Variants in AK4 observed in about 807,000 individuals in gnomAD.
AK4 encodes adenylate kinase 4.
Under a neutral mutation model 24.6 loss-of-function variants are expected in AK4, and 13 were observed. That is an observed-to-expected ratio of 0.53 (90% confidence interval 0.34 to 0.84). The LOEUF (loss-of-function observed/expected upper bound fraction) is 0.84, where lower values mean the gene tolerates loss of function less well. Among genes scored for constraint, AK4 ranks in the 40% least tolerant of loss-of-function variants. AK4 has a pLI of 0.01. For missense variants in AK4, 192 were observed against 288.2 expected, an observed-to-expected ratio of 0.67 and a Z score of 2.42; for synonymous variants, 88 against 107.0, an observed-to-expected ratio of 0.82 and a Z score of 1.10.
intron 1 of AK4, among the ~76,000 whole-genome samples, chr1:65,186,408 C>G (rs564647531): frequency 6.6e-6 from 1 of 152,320 alleles, no homozygotes; most frequent in South Asian, 2.1e-4. Flanking sequence ...GGATTACAGG[C>G]ACGAACCATC....
chr1:65,176,000 C>G (rs1191742338), intron 1 of AK4, among the ~76,000 whole-genome samples: 1 of 152,090 alleles, frequency 6.6e-6, no homozygotes, highest in East Asian at 1.9e-4. Flanking sequence ...CATAGGACGT[C>G]CAAAATTTTT....
At chr1:65,163,624 G>A (rs921266353) in intron 1 of AK4, among the ~76,000 whole-genome samples, 1 of 152,196 alleles carries the variant, frequency 6.6e-6, no homozygotes, top group Non-Finnish European at 1.5e-5. Flanking sequence ...TTGTCCACAA[G>A]TGTAACCTCC....
chr1:65,170,974 T>TG (rs1361947817), intron 1 of AK4, among the ~76,000 whole-genome samples: 1 of 148,400 alleles, frequency 6.7e-6, no homozygotes, highest in Non-Finnish European at 1.5e-5. Context: ...TTTTTTTTTT[T>TG]TGAGACAAGG....
intron 2 of AK4, among the ~76,000 whole-genome samples, chr1:65,200,950 C>T (rs562567083): frequency 1.6e-3 from 243 of 152,156 alleles, no homozygotes; most frequent in Non-Finnish European, 3.1e-3. Flanking sequence ...AGTGCCACCA[C>T]GCCCAGCTAA....
chr1:65,218,196 G>A (rs1384076646), intron 2 of AK4, among the ~76,000 whole-genome samples: 1 of 152,200 alleles, frequency 6.6e-6, no homozygotes, highest in Non-Finnish European at 1.5e-5. Context: ...TAAAATAAAT[G>A]TATATAGTTA....
intron 1 of AK4, among the ~76,000 whole-genome samples, chr1:65,167,515 AG>A (rs1650371379): frequency 1.3e-5 from 2 of 151,440 alleles, no homozygotes; most frequent in African/African-American, 4.8e-5. Flanking sequence ...AAAAAAAAAA[AG>A]ATCAAGGATC....
At chr1:65,166,599 C>T (rs946728783) in intron 1 of AK4, among the ~76,000 whole-genome samples, 4 of 152,050 alleles carry the variant, frequency 2.6e-5, no homozygotes, top group East Asian at 1.9e-4. Context: ...CAAGGCTCAC[C>T]GCAGCTTCAA....
chr1:65,172,995 T>C (rs1650592122), intron 1 of AK4, among the ~76,000 whole-genome samples: 1 of 151,732 alleles, frequency 6.6e-6, no homozygotes. Context: ...CTCAGGTAGC[T>C]GGGATTGCAG....
chr1:65,219,012 A>G, intron 3 of AK4, 86 bp downstream of exon 3: 1 of 1,032,136 alleles, frequency 9.7e-7, no homozygotes, highest in Middle Eastern at 2.2e-4. Flanking sequence ...ATATGAGTAG[A>G]CCATTCAAAA....
chr1:65,175,762 G>A (rs1482689388), intron 1 of AK4, among the ~76,000 whole-genome samples: 2 of 152,154 alleles, frequency 1.3e-5, no homozygotes, highest in African/African-American at 4.8e-5. Flanking sequence ...ATGAGCTTGA[G>A]GAGACGGTTA....
intron 1 of AK4, among the ~76,000 whole-genome samples, chr1:65,153,338 C>T (rs367561950): frequency 3.3e-5 from 5 of 152,110 alleles, no homozygotes; most frequent in Admixed American, 1.3e-4. Context: ...GGCATGAACA[C>T]GGCTTACTGT....
At chr1:65,223,988 G>A (rs561983499) in intron 3 of AK4, among the ~76,000 whole-genome samples, 4 of 137,548 alleles carry the variant, frequency 2.9e-5, no homozygotes, top group South Asian at 5.2e-4. Flanking sequence ...GTGAGACTCC[G>A]TCTTAAAATA....
intron 3 of AK4, among the ~76,000 whole-genome samples, chr1:65,223,344 A>G (rs1166841661): frequency 2.0e-5 from 3 of 151,878 alleles, no homozygotes; most frequent in African/African-American, 7.3e-5. Flanking sequence ...ACCCGCCACC[A>G]CACCCGGCTA....
chr1:65,201,579 G>A (rs943467736), intron 2 of AK4, among the ~76,000 whole-genome samples: 1 of 152,164 alleles, frequency 6.6e-6, no homozygotes, highest in East Asian at 1.9e-4. Context: ...CTAGGCATCC[G>A]TCATTCCCAA....
At chr1:65,214,391 G>A (rs939512764) in intron 2 of AK4, among the ~76,000 whole-genome samples, 4 of 152,114 alleles carry the variant, frequency 2.6e-5, no homozygotes, top group Admixed American at 6.5e-5. Context: ...GATTACAGGC[G>A]TGAGCCACTG....
chr1:65,169,885 TTG>T (rs147403921), intron 1 of AK4, among the ~76,000 whole-genome samples: 2 of 151,600 alleles, frequency 1.3e-5, no homozygotes, highest in Non-Finnish European at 2.9e-5. Flanking sequence ...TTGTTCGGTT[TTG>T]TGTGTGTGTG....
intron 4 of AK4, 110 bp downstream of exon 4, chr1:65,224,980 C>T: frequency 1.3e-6 from 1 of 743,526 alleles, no homozygotes; most frequent in East Asian, 3.1e-5. Context: ...GACAGATAAA[C>T]ACTAGCGATC....
chr1:65,159,778 G>A (rs1650094133), intron 1 of AK4, among the ~76,000 whole-genome samples: 1 of 152,054 alleles, frequency 6.6e-6, no homozygotes, highest in Admixed American at 6.6e-5. Flanking sequence ...GACCAGCCTG[G>A]CCAATATGGT....
Position 65,228,870 on chromosome 1 carries a change from C to T in AK4, c.*2693C>T, listed in dbSNP as rs1557474630. On this transcript the variant is annotated 3_prime_UTR_variant, in exon 5 of 5. Transcript: ENST00000327299. ...AATTTGCTTCCATTATCCTAACAGG[C>T]TTCTTTCTTACTTAGAACTTGGAAA... is the stretch of plus-strand genomic sequence containing the variant. 6.6e-6 allele frequency: 1 copy of T among 152,106 alleles called. No homozygotes were observed. The highest frequency in any genetic ancestry group is 1.5e-5 in the Non-Finnish European group (1 of 68,026). The allele number at this position is 152,106 out of a possible 1,614,324, so 9.4% of individuals were successfully genotyped here.
Sources: gnomAD v4.1 joint callset for allele counts (sites outside exome capture counted in the v4.1 genomes callset) on GRCh38, gnomAD v4.1.1 for gene constraint, MANE v1.5 for transcripts, NCBI Gene and HGNC (gene_info 2026-07-23, HGNC 2026-07-21) for gene names.